Variants in ST8SIA4 observed in about 807,000 individuals in gnomAD.
ST8SIA4 encodes the protein CMP-N-acetylneuraminate-poly-alpha-2,8-sialyltransferase.
A neutral mutation model predicts 33.9 loss-of-function variants in ST8SIA4; 15 were observed. That is an observed-to-expected ratio of 0.44 (90% CI 0.30 to 0.68). The LOEUF (loss-of-function observed/expected upper bound fraction) is 0.68, where lower values mean the gene tolerates loss of function less well. Ranked by LOEUF, ST8SIA4 falls within the 30% of genes least tolerant of loss-of-function variation. The probability of loss-of-function intolerance (pLI) is 0.10; values close to 1 mark genes in which losing one functional copy is unlikely to be tolerated. For missense variants in ST8SIA4, 321 were observed against 428.0 expected (o/e 0.75, Z 2.21); for synonymous variants, 171 against 151.2 (o/e 1.13, Z -0.96).
chr5:100,823,054 C>A (rs1416866619), intron 4 of ST8SIA4, among the ~76,000 whole-genome samples: 1 of 152,012 alleles, frequency 6.6e-6, no homozygotes, highest in Non-Finnish European at 1.5e-5. Context: ...TGGTGTGAAC[C>A]CGGGAGGCAG....
At position 100,811,891 on chromosome 5, in the gene ST8SIA4, T is replaced by C. The variant is rs761664582; in HGVS notation, c.1036A>G (p.Arg346Gly). Residue 346 changes from arginine to glycine, a missense_variant, in exon 5 of 5, where the codon AGA (arginine) becomes GGA (glycine). Coordinates refer to ENST00000231461, the MANE Select transcript of ST8SIA4 (RefSeq NM_005668.6). Reference sequence around the variant, plus strand: ...CCTGTTGTCAGTTTTAGAGCTCCTCTATTATGTAGCACATTTAATGTTTTG... The same window carrying C: ...CCTGTTGTCAGTTTTAGAGCTCCTCCATTATGTAGCACATTTAATGTTTTG... ...EFKTLNVLHNRGALKLTTGKC... is the reference protein window; with the variant it reads ...EFKTLNVLHNGGALKLTTGKC... The C allele has an allele frequency of 1.2e-6, 2 of 1,614,110 alleles. No homozygotes were observed. The highest frequency in any genetic ancestry group is 1.3e-5 in the African/African-American group (1 of 75,058).
chr5:100,862,293 C>T (rs1190735596), intron 3 of ST8SIA4, among the ~76,000 whole-genome samples: 1 of 152,006 alleles, frequency 6.6e-6, no homozygotes, highest in African/African-American at 2.4e-5. Context: ...GAGAATAAGG[C>T]CTCCCAGTTA....
At chr5:100,824,782 C>T (rs759343464) in intron 4 of ST8SIA4, among the ~76,000 whole-genome samples, 1 of 151,598 alleles carries the variant, frequency 6.6e-6, no homozygotes, top group Non-Finnish European at 1.5e-5. Flanking sequence ...ATCCTTAGGT[C>T]AGGCACAGTG....
intron 3 of ST8SIA4, among the ~76,000 whole-genome samples, chr5:100,873,433 C>T (rs1031774157): frequency 6.6e-6 from 1 of 152,072 alleles, no homozygotes; most frequent in African/African-American, 2.4e-5. Context: ...TTATGTAGCT[C>T]TTAGTTGATT....
chr5:100,877,956 A>G (rs1752341807), intron 3 of ST8SIA4, among the ~76,000 whole-genome samples: 1 of 152,206 alleles, frequency 6.6e-6, no homozygotes, highest in Non-Finnish European at 1.5e-5. Flanking sequence ...ATTTGATTTC[A>G]GAAATTCAAA....
At position 100,808,537 on chromosome 5, in the gene ST8SIA4, G is replaced by A. The variant is rs998113376; in HGVS notation, c.*3310C>T. The A allele has an allele frequency of 6.6e-6, 1 of 152,526 alleles. No homozygotes were observed. Among genetic ancestry groups the A allele is most frequent in the African/African-American group, 2.4e-5 (1 of 41,448 alleles). 9.4% of individuals were successfully genotyped at this position (152,526 alleles called of 1,614,324 possible). On this transcript the variant is annotated 3_prime_UTR_variant, in exon 5 of 5. Transcript: ENST00000231461. ...AACAGCACAATAACAACCATGTTCT[G>A]TAAAGGACAAGAATATTTCACAATC...
chr5:100,871,052 G>A (rs1421721990), intron 3 of ST8SIA4, among the ~76,000 whole-genome samples: 1 of 152,070 alleles, frequency 6.6e-6, no homozygotes, highest in Non-Finnish European at 1.5e-5. Context: ...TGTCTATCAT[G>A]AACTTAGCTG....
At chr5:100,822,197 A>G (rs1459552522) in intron 4 of ST8SIA4, among the ~76,000 whole-genome samples, 5 of 152,158 alleles carry the variant, frequency 3.3e-5, no homozygotes, top group African/African-American at 1.2e-4. Context: ...GTCAATCTCT[A>G]TTTGGTGAAA....
intron 3 of ST8SIA4, among the ~76,000 whole-genome samples, chr5:100,880,464 G>A (rs1168690366): frequency 6.6e-6 from 1 of 152,170 alleles, no homozygotes; most frequent in Non-Finnish European, 1.5e-5. Flanking sequence ...CCATAGGTAT[G>A]TGGGTAAGAG....
chr5:100,903,105 C>G lies in ST8SIA4; in HGVS notation c.-150G>C. Reference sequence around the variant, plus strand: ...GATCCCGGGATCAGATCACTGGGGTCTTCTGTGGCCGAGCTCCCTCTGGTC... The same window carrying G: ...GATCCCGGGATCAGATCACTGGGGTGTTCTGTGGCCGAGCTCCCTCTGGTC... On this transcript the variant is annotated 5_prime_UTR_variant, in exon 1 of 5. Transcript: ENST00000231461. 1 of 615,126 alleles carries G rather than the reference C, an allele frequency of 1.6e-6. No homozygotes were observed. The allele number at this position is 615,126 out of a possible 1,614,324, so 38.1% of individuals were successfully genotyped here.
chr5:100,873,398 T>A (rs1219391124), intron 3 of ST8SIA4, among the ~76,000 whole-genome samples: 3 of 152,040 alleles, frequency 2.0e-5, no homozygotes, highest in African/African-American at 7.2e-5. Context: ...TCCAACTAAT[T>A]AGCCAAAAGT....
At chr5:100,814,628 T>TA (rs1343768298) in intron 4 of ST8SIA4, among the ~76,000 whole-genome samples, 1 of 151,920 alleles carries the variant, frequency 6.6e-6, no homozygotes, top group Non-Finnish European at 1.5e-5. Context: ...CAATAAGTAA[T>TA]AACTTTCTAA....
chr5:100,898,686 G>C (rs1752831549), intron 1 of ST8SIA4, among the ~76,000 whole-genome samples: 1 of 152,162 alleles, frequency 6.6e-6, no homozygotes, highest in Admixed American at 6.5e-5. Context: ...TTTCACTCAT[G>C]ACCTTGGTAG....
Position 100,836,864 on chromosome 5 carries a change from C to T in ST8SIA4, c.797+19239G>A, listed in dbSNP as rs139665340. Among the ~76,000 whole-genome samples, 344 of 152,048 alleles carry T rather than the reference C, an allele frequency of 2.3e-3. 2 individuals are homozygous for T. The highest frequency in any genetic ancestry group is 4.7e-3 in the African/African-American group (197 of 41,490). On this transcript the variant is annotated intron_variant, in intron 4 of 4. Transcript: ENST00000231461. ...GAAAATTGCTACTGTTCCGTACTGACGTTAAAATGTAATACTTTGGAGACT... is the reference window on the plus strand; with the variant it reads ...GAAAATTGCTACTGTTCCGTACTGATGTTAAAATGTAATACTTTGGAGACT...
In ST8SIA4 at chr5:100,849,595, A is replaced by G. The variant is rs1035141168; in HGVS notation, c.797+6508T>C. On this transcript the variant is annotated intron_variant, in intron 4 of 4. Coordinates refer to ENST00000231461, the MANE Select transcript of ST8SIA4 (RefSeq NM_005668.6). ...TTGCAGTTCGAGAGCAGCCTGGCCA[A>G]CATGGTGAAACCCCATCCCTTCCAA... The G allele has an allele frequency of 1.8e-4, 50 of 275,108 alleles. No homozygotes were observed. In the Admixed American group the frequency reaches 3.3e-3, roughly 18 times the overall value. The allele number at this position is 275,108 out of a possible 1,614,324, so 17.0% of individuals were successfully genotyped here. A position where few individuals can be genotyped will look rare whatever the true frequency, so the allele number is the denominator to read the frequency against.
chr5:100,840,270 C>T (rs1392982688), intron 4 of ST8SIA4, among the ~76,000 whole-genome samples: 1 of 151,628 alleles, frequency 6.6e-6, no homozygotes, highest in African/African-American at 2.4e-5. Flanking sequence ...TTAAAGAAAT[C>T]CAAAGCAGAG....
intron 4 of ST8SIA4, among the ~76,000 whole-genome samples, chr5:100,850,949 C>A (rs1242932608): frequency 1.4e-5 from 2 of 139,372 alleles, no homozygotes; most frequent in Non-Finnish European, 3.0e-5. Context: ...ATTATTGTAA[C>A]CATACTTTTT....
chr5:100,900,377 A>G, intron 1 of ST8SIA4: 1 of 455,982 alleles, frequency 2.2e-6, no homozygotes, highest in South Asian at 1.5e-5. Context: ...TCAAAACTCA[A>G]AACTGGCCTC....
At chr5:100,899,429 G>A (rs1203805064) in intron 1 of ST8SIA4, among the ~76,000 whole-genome samples, 1 of 152,068 alleles carries the variant, frequency 6.6e-6, no homozygotes, top group Non-Finnish European at 1.5e-5. Flanking sequence ...AACAAACTGG[G>A]ACTAACTTTG....
Sources: allele counts gnomAD v4.1 joint callset (sites outside exome capture counted in the v4.1 genomes callset), GRCh38; gene constraint gnomAD v4.1.1; transcripts MANE v1.5; gene names NCBI Gene and HGNC (gene_info 2026-07-23, HGNC 2026-07-21).